PSEN1: variants seen among roughly 807,000 people sequenced by gnomAD.
PSEN1 encodes presenilin 1, also known as presenilin-1.
PSEN1 carries 15 observed loss-of-function variants against 53.5 expected under a neutral mutation model. That is an observed-to-expected ratio of 0.28 (90% CI 0.19 to 0.43). The LOEUF is 0.43. Ranked by LOEUF, PSEN1 falls within the 20% of genes least tolerant of loss-of-function variation. The pLI, the probability that PSEN1 is intolerant of heterozygous loss-of-function variation, is 1.00. For missense variants in PSEN1, 387 were observed against 571.2 expected (o/e 0.68, Z 3.29); for synonymous variants, 208 against 209.8 (o/e 0.99, Z 0.08).
rs556326451 is a variant in PSEN1 at position 73,142,486 on chromosome 14, T to G, written c.-135-5309T>G. Among the ~76,000 whole-genome samples, 26 of 152,280 alleles carry G rather than the reference T, an allele frequency of 1.7e-4. 2 individuals are homozygous for G. In the South Asian group the frequency reaches 5.2e-3, roughly 30 times the overall value. ...TGTTTTTCCACAGTAGAAATTTTGTTTATATTTATGTCTGAGAGTGAAAAA... is the reference window on the plus strand; with the variant it reads ...TGTTTTTCCACAGTAGAAATTTTGTGTATATTTATGTCTGAGAGTGAAAAA... On this transcript the variant is annotated intron_variant, in intron 1 of 11. Transcript: ENST00000324501.
intron 3 of PSEN1, among the ~76,000 whole-genome samples, chr14:73,156,452 A>G (rs1897356614): frequency 6.6e-6 from 1 of 151,958 alleles, no homozygotes. Context: ...TCAAGTTCCT[A>G]TCTTTTAGAA....
chr14:73,197,150 G>A (rs1446694362), intron 7 of PSEN1, among the ~76,000 whole-genome samples: 4 of 152,034 alleles, frequency 2.6e-5, no homozygotes, highest in South Asian at 2.1e-4. Flanking sequence ...AGCCAGGATG[G>A]TCTTGATCTC....
At chr14:73,199,664 A>T (rs866231454) in intron 8 of PSEN1, among the ~76,000 whole-genome samples, 55 of 152,336 alleles carry the variant, frequency 3.6e-4, no homozygotes, top group African/African-American at 1.3e-3. Context: ...ATAGTTTGCC[A>T]TATTGCCTCC....
chr14:73,200,699 A>G (rs979747037), intron 8 of PSEN1, among the ~76,000 whole-genome samples: 5 of 152,198 alleles, frequency 3.3e-5, no homozygotes, highest in African/African-American at 1.2e-4. Context: ...AGTTTGTTGT[A>G]TATCCTTGTA....
At chr14:73,165,437 CATA>C (rs1368854419) in intron 3 of PSEN1, among the ~76,000 whole-genome samples, 6 of 152,048 alleles carry the variant, frequency 3.9e-5, no homozygotes, top group African/African-American at 1.4e-4. Flanking sequence ...TTCCTGAAAA[CATA>C]ATCAGTTTTG....
chr14:73,171,567 A>G (rs1353181039), intron 4 of PSEN1, among the ~76,000 whole-genome samples: 1 of 152,226 alleles, frequency 6.6e-6, no homozygotes, highest in Non-Finnish European at 1.5e-5. Flanking sequence ...GGGAGGGGAA[A>G]GGGTTCTTAT....
At chr14:73,155,186 TTAG>T (rs1241744673) in intron 3 of PSEN1, among the ~76,000 whole-genome samples, 1 of 152,222 alleles carries the variant, frequency 6.6e-6, no homozygotes, top group African/African-American at 2.4e-5. Context: ...GTTTACCCAG[TTAG>T]TAGTGTAAAG....
At chr14:73,202,418 C>CCA (rs1196615910) in intron 8 of PSEN1, among the ~76,000 whole-genome samples, 1 of 27,210 alleles carries the variant, frequency 3.7e-5, no homozygotes, top group Non-Finnish European at 5.9e-5. Flanking sequence ...CTATCACATA[C>CCA]TATATATATA....
At chr14:73,198,457 C>T (rs540019509) in intron 8 of PSEN1, among the ~76,000 whole-genome samples, 3 of 152,262 alleles carry the variant, frequency 2.0e-5, no homozygotes, top group South Asian at 2.1e-4. Context: ...TTCTGCTATT[C>T]GGTGACCACT....
At chr14:73,174,602 C>T (rs2140046152) in intron 5 of PSEN1, among the ~76,000 whole-genome samples, 1 of 152,316 alleles carries the variant, frequency 6.6e-6, no homozygotes, top group Middle Eastern at 3.4e-3. Context: ...TATGAATCTC[C>T]TCATTCACAA....
intron 9 of PSEN1, among the ~76,000 whole-genome samples, chr14:73,206,836 G>T (rs1250818471): frequency 6.6e-6 from 1 of 150,866 alleles, no homozygotes; most frequent in Non-Finnish European, 1.5e-5. Context: ...TCTCCTAAAA[G>T]AAACAAAAAA....
intron 3 of PSEN1, among the ~76,000 whole-genome samples, chr14:73,156,292 G>A (rs1897352580): frequency 6.6e-6 from 1 of 151,940 alleles, no homozygotes; most frequent in Admixed American, 6.6e-5. Context: ...TGAAGTGGAA[G>A]TTGCAGTGAG....
chr14:73,151,253 T>C (rs952846039), intron 3 of PSEN1, among the ~76,000 whole-genome samples: 2 of 152,218 alleles, frequency 1.3e-5, no homozygotes, highest in Non-Finnish European at 2.9e-5. Context: ...TAATTCTGTT[T>C]ACAAACATTT....
chr14:73,192,809 C>G lies in PSEN1; in HGVS notation c.714C>G (p.Ile238Met), dbSNP rs1555355289. The part of the protein sequence containing the change: ...MISALMALVF[I>M]KYLPEWTAWL... ...GTGCCCTCATGGCCCTGGTGTTTAT[C>G]AAGTACCTCCCTGAATGGACTGCGT... is the stretch of plus-strand genomic sequence containing the variant. Residue 238 changes from isoleucine to methionine, a missense_variant, in exon 7 of 12, where the codon ATC becomes ATG. This residue lies in a region of PSEN1 where 169 missense variants were observed against 299.7 expected (regional missense o/e 0.56). Coordinates refer to ENST00000324501, the MANE Select transcript of PSEN1 (RefSeq NM_000021.4). 6.2e-7 allele frequency: 1 copy of G among 1,613,948 alleles called. No individual in the cohort carries two copies.
rs574349536 is a variant in PSEN1 at position 73,163,441 on chromosome 14, A to G, written c.88-7356A>G. ...AAAAATTAGCCGAGCTTCACAAACAATCTTACAGGAGTCATTCATTAATTA... is the reference window on the plus strand; with the variant it reads ...AAAAATTAGCCGAGCTTCACAAACAGTCTTACAGGAGTCATTCATTAATTA... On this transcript the variant is annotated intron_variant, in intron 3 of 11. Coordinates refer to ENST00000324501, the MANE Select transcript of PSEN1 (RefSeq NM_000021.4). Among the ~76,000 whole-genome samples the G allele has an allele frequency of 5.9e-5, 9 of 152,186 alleles. No individual in the cohort carries two copies. In the East Asian group the frequency reaches 9.6e-4, roughly 16 times the overall value.
chr14:73,166,367 G>T (rs1452664739), intron 3 of PSEN1, among the ~76,000 whole-genome samples: 3 of 152,202 alleles, frequency 2.0e-5, no homozygotes, highest in Non-Finnish European at 2.9e-5. Context: ...ACTTTAGTTT[G>T]ATTCCTACCT....
chr14:73,206,320 G>A (rs1240466828), intron 8 of PSEN1, 66 bp from the exon 9 acceptor site: 1 of 1,096,078 alleles, frequency 9.1e-7, no homozygotes, highest in Non-Finnish European at 1.4e-6. Flanking sequence ...AGAAATGATG[G>A]CTTGTTGTTG....
chr14:73,171,165 C>T (rs1036195317), intron 4 of PSEN1, 118 bp downstream of exon 4: 21 of 1,248,670 alleles, frequency 1.7e-5, no homozygotes, highest in Non-Finnish European at 2.3e-5. Context: ...GAGAGCCCAT[C>T]CTCTGTGATG....
At chr14:73,172,371 G>A (rs551696111) in intron 4 of PSEN1, among the ~76,000 whole-genome samples, 1 of 152,304 alleles carries the variant, frequency 6.6e-6, no homozygotes, top group Admixed American at 6.5e-5. Flanking sequence ...TGAAGGGCAG[G>A]GGTTAGAACT....
Sources: gnomAD v4.1 joint callset for allele counts (sites outside exome capture counted in the v4.1 genomes callset) on GRCh38, gnomAD v4.1.1 for gene constraint, gnomAD v4.1.1 regional missense constraint, MANE v1.5 for transcripts, NCBI Gene and HGNC (gene_info 2026-07-23, HGNC 2026-07-21) for gene names.